Variants in FAM98A observed in about 807,000 individuals in gnomAD.
FAM98A encodes the protein protein FAM98A.
Under a neutral mutation model 62.9 loss-of-function variants are expected in FAM98A, and 25 were observed. The ratio of observed to expected loss-of-function variants is 0.40; its 90% CI spans 0.29 to 0.56. The LOEUF is 0.56. Among genes scored for constraint, FAM98A ranks in the 20% least tolerant of loss-of-function variants. The pLI is 0.51. For missense variants in FAM98A, 653 were observed against 640.7 expected, an observed-to-expected ratio of 1.02 and a Z score of -0.21; for synonymous variants, 252 against 228.6, an observed-to-expected ratio of 1.10 and a Z score of -0.92.
At chr2:33,591,106 C>T (rs1677662679) in intron 3 of FAM98A, among the ~76,000 whole-genome samples, 1 of 152,050 alleles carries the variant, frequency 6.6e-6, no homozygotes, top group Non-Finnish European at 1.5e-5. Context: ...CGTGCACATT[C>T]CCACAATAAC....
At chr2:33,596,414 T>C (rs1455295619) in intron 1 of FAM98A, among the ~76,000 whole-genome samples, 2 of 152,172 alleles carry the variant, frequency 1.3e-5, no homozygotes, top group Admixed American at 6.5e-5. Context: ...TTAAAAAATT[T>C]AAAAATGTTC....
chr2:33,595,552 C>T lies in FAM98A; in HGVS notation c.139G>A (p.Ala47Thr), dbSNP rs1429954422. ...ASSPEFTKLC[A>T]WLVSELRVLC... is the part of the protein sequence containing the mutation. Reference sequence around the variant, plus strand: ...ACTCTTAATTCAGACACCAGCCAAGCACAGAGTTTGGTAAACTCGGGGGAA... The same window carrying T: ...ACTCTTAATTCAGACACCAGCCAAGTACAGAGTTTGGTAAACTCGGGGGAA... Residue 47 changes from alanine to threonine, a missense_variant, in exon 2 of 8, where the codon GCT becomes ACT. By Grantham distance (58) the Ala-to-Thr change is moderately conservative. Transcript: ENST00000238823. 2.5e-6 allele frequency: 4 copies of T among 1,611,000 alleles called. No individual in the cohort carries two copies. Among genetic ancestry groups the T allele is most frequent in the Non-Finnish European group, 3.4e-6 (4 of 1,178,904 alleles).
chr2:33,587,503 G>A (rs753185527), intron 4 of FAM98A, 183 bp from the exon 5 acceptor site: 20 of 577,040 alleles, frequency 3.5e-5, no homozygotes, highest in African/African-American at 5.6e-5. Context: ...CACTCCTCAC[G>A]CCTACAGAAG....
At chr2:33,595,131 T>A (rs908036862) in intron 2 of FAM98A, among the ~76,000 whole-genome samples, 1 of 152,192 alleles carries the variant, frequency 6.6e-6, no homozygotes, top group Non-Finnish European at 1.5e-5. Context: ...AATCTGGTAA[T>A]CCTAAAAGAA....
At chr2:33,596,150 CT>C (rs1000700693) in intron 1 of FAM98A, among the ~76,000 whole-genome samples, 4 of 151,446 alleles carry the variant, frequency 2.6e-5, no homozygotes, top group African/African-American at 7.3e-5. Context: ...CCAAACCTGG[CT>C]TTTTTTTTAT....
chr2:33,587,361 G>A, intron 4 of FAM98A, 41 bp from the exon 5 acceptor site: 1 of 1,403,902 alleles, frequency 7.1e-7, no homozygotes, highest in South Asian at 1.2e-5. Flanking sequence ...AACTCTAAAA[G>A]TAAAACATCC....
At chr2:33,594,412 G>A (rs72867461) in intron 2 of FAM98A, among the ~76,000 whole-genome samples, 8,379 of 151,388 alleles carry the variant, frequency 0.055, 531 homozygotes, top group African/African-American at 0.16. Context: ...GGCCTGTTGC[G>A]GGTTAGAGGG....
intron 1 of FAM98A, among the ~76,000 whole-genome samples, 180 bp downstream of exon 1, chr2:33,598,989 C>A (rs1432535919): frequency 6.6e-6 from 1 of 152,026 alleles, no homozygotes; most frequent in Non-Finnish European, 1.5e-5. Flanking sequence ...ATTGGAGGAC[C>A]CCGAGCTAGC....
Position 33,599,266 on chromosome 2 carries a change from C to T in FAM98A, c.-45G>A. 1.3e-6 allele frequency: 2 copies of T among 1,515,160 alleles called. No homozygotes were observed. Among genetic ancestry groups the T allele is most frequent in the Non-Finnish European group, 1.8e-6 (2 of 1,089,602 alleles). 93.9% of individuals were successfully genotyped at this position (1,515,160 alleles called of 1,614,324 possible). On this transcript the variant is annotated 5_prime_UTR_variant, in exon 1 of 8. Transcript: ENST00000238823. Reference sequence around the variant, plus strand: ...TTCCGAGTCGTCAGGCTCCCCTCTTCGCCGGCAACGCGTACACTCGCGCAT... The same window carrying T: ...TTCCGAGTCGTCAGGCTCCCCTCTTTGCCGGCAACGCGTACACTCGCGCAT...
Position 33,586,471 on chromosome 2 carries a change from T to C in FAM98A, c.720+91A>G, listed in dbSNP as rs1378409591. The C allele has an allele frequency of 7.4e-6, 6 of 809,510 alleles. No individual in the cohort carries two copies. The African/African-American group carries it at 1.0e-4, about 14-fold the overall frequency. 50.1% of individuals were successfully genotyped at this position (809,510 alleles called of 1,614,324 possible). ...ATCCCTATGTGTGTCTTCTATGTAC[T>C]TCTCCCATAGTTGCCAAGTAGCTAA... On this transcript the variant is annotated intron_variant, in intron 6 of 7. Transcript: ENST00000238823.
At chr2:33,586,717 T>C in intron 5 of FAM98A, 39 bp from the exon 6 acceptor site, 1 of 1,342,124 alleles carries the variant, frequency 7.5e-7, no homozygotes, top group Non-Finnish European at 1.1e-6. Flanking sequence ...AGTTTAAATC[T>C]GCTTGATTCT....
At chr2:33,592,243 A>T in intron 2 of FAM98A, 29 bp from the exon 3 acceptor site, 1 of 1,528,302 alleles carries the variant, frequency 6.5e-7, no homozygotes, top group Non-Finnish European at 9.0e-7. Flanking sequence ...ATCTTATTTA[A>T]TGATAGTGAT....
Position 33,595,643 on chromosome 2 carries a change from G to A in FAM98A, c.54-6C>T. The A allele has an allele frequency of 6.4e-7, 1 of 1,561,618 alleles. No individual in the cohort carries two copies. Among genetic ancestry groups the A allele is most frequent in the Non-Finnish European group, 8.6e-7 (1 of 1,161,892 alleles). On this transcript the variant is annotated splice_polypyrimidine_tract_variant and splice_region_variant and intron_variant, in intron 1 of 7. Transcript: ENST00000238823. ...CCAACAATGGGCCCTTGTAACTGGT[G>A]AGCAAGAAATTACATTTCAGAAGAA...
chr2:33,595,724 A>G, intron 1 of FAM98A, 87 bp from the exon 2 acceptor site: 1 of 912,528 alleles, frequency 1.1e-6, no homozygotes, highest in Non-Finnish European at 1.6e-6. Flanking sequence ...TTATTTATAT[A>G]AGCAATAATT....
chr2:33,595,934 A>G (rs942177499), intron 1 of FAM98A, among the ~76,000 whole-genome samples: 1 of 152,220 alleles, frequency 6.6e-6, no homozygotes, highest in Non-Finnish European at 1.5e-5. Context: ...CTTCCATTGT[A>G]AAAAGATTTA....
intron 2 of FAM98A, among the ~76,000 whole-genome samples, chr2:33,595,015 C>T (rs1008186375): frequency 7.9e-5 from 12 of 152,284 alleles, no homozygotes; most frequent in Admixed American, 5.2e-4. Context: ...ATGTATCTAA[C>T]GATGCATTCT....
At position 33,586,543 on chromosome 2, in the gene FAM98A, T is replaced by C. The variant is rs1244756482; in HGVS notation, c.720+19A>G. On this transcript the variant is annotated intron_variant, in intron 6 of 7. Coordinates refer to ENST00000238823, the MANE Select transcript of FAM98A (RefSeq NM_015475.5). ...CATGTCTATAAATAGTCTGCTCTTT[T>C]AAATTATTTAATGTGTACCTTAGCT... 6.8e-7 allele frequency: 1 copy of C among 1,479,980 alleles called. No homozygotes were observed. The highest frequency in any genetic ancestry group is 1.1e-5 in the South Asian group (1 of 88,098). The allele number at this position is 1,479,980 out of a possible 1,614,324, so 91.7% of individuals were successfully genotyped here.
chr2:33,596,891 CAAAAA>C (rs55741538), intron 1 of FAM98A, among the ~76,000 whole-genome samples: 1 of 103,458 alleles, frequency 9.7e-6, no homozygotes, highest in Non-Finnish European at 1.8e-5. Context: ...GACTCCGTAT[CAAAAA>C]AAAAAAAAAA....
intron 4 of FAM98A, 97 bp downstream of exon 4, chr2:33,588,238 T>C: frequency 1.1e-6 from 1 of 943,046 alleles, no homozygotes; most frequent in South Asian, 1.6e-5. Context: ...ATATGCACAT[T>C]AGGTTCCCAT....
Sources: gnomAD v4.1 joint callset for allele counts (sites outside exome capture counted in the v4.1 genomes callset) on GRCh38, gnomAD v4.1.1 for gene constraint, MANE v1.5 for transcripts, NCBI Gene and HGNC (gene_info 2026-07-23, HGNC 2026-07-21) for gene names.